Variants in SYCP2 observed in about 807,000 individuals in gnomAD.
The protein encoded by SYCP2 is synaptonemal complex lateral element protein.
A neutral mutation model predicts 211.3 loss-of-function variants in SYCP2; 55 were observed. The observed-to-expected ratio is 0.26, with a 90% CI of 0.21 to 0.33. The LOEUF is 0.33. Among genes scored for constraint, SYCP2 ranks in the 10% least tolerant of loss-of-function variants. SYCP2 has a pLI of 1.00. For missense variants in SYCP2, 1,731 were observed against 1,752.0 expected (o/e 0.99, Z 0.21); for synonymous variants, 570 against 555.2 (o/e 1.03, Z -0.37).
chr20:59,870,699 G>A (rs2059435915), intron 35 of SYCP2, among the ~76,000 whole-genome samples: 1 of 151,712 alleles, frequency 6.6e-6, no homozygotes, highest in Non-Finnish European at 1.5e-5. Context: ...GTGGGGCAGG[G>A]GGTATGTAAC....
intron 26 of SYCP2, chr20:59,885,066 A>C (rs1315067275): frequency 6.6e-6 from 1 of 152,036 alleles, no homozygotes; most frequent in Non-Finnish European, 1.5e-5. Context: ...TTCATTGCAA[A>C]GGGAGAAGAA....
Position 59,883,189 on chromosome 20 carries a change from A to G in SYCP2, c.2530-1024T>C, listed in dbSNP as rs546486855. ...TATGGTGAAACCCTGTCTCTACTGA[A>G]AATACAAAAATTAGCTGAGCATGGT... is the stretch of plus-strand genomic sequence containing the variant. On this transcript the variant is annotated intron_variant, in intron 26 of 44. Transcript: ENST00000357552. 2.0e-5 allele frequency among the ~76,000 whole-genome samples: 3 copies of G among 152,194 alleles called. No individual in the cohort carries two copies. The East Asian group carries it at 5.8e-4, about 29-fold the overall frequency.
chr20:59,924,717 C>T (rs2060602298), intron 2 of SYCP2, among the ~76,000 whole-genome samples: 1 of 151,746 alleles, frequency 6.6e-6, no homozygotes, highest in Admixed American at 6.6e-5. Context: ...GGCTACAAAA[C>T]AGTTGGAAAT....
rs1008375609 is a variant in SYCP2 at position 59,891,922 on chromosome 20, T to C, written c.2364+68A>G. The C allele has an allele frequency of 1.5e-5, 20 of 1,352,128 alleles. No homozygotes were observed. In the Admixed American group the frequency reaches 1.7e-4, roughly 12 times the overall value. The allele number at this position is 1,352,128 out of a possible 1,614,324, so 83.8% of individuals were successfully genotyped here. A position where few individuals can be genotyped will look rare whatever the true frequency, so the allele number is the denominator to read the frequency against. ...AATGTGTAGCAATTAATCAAGTTTC[T>C]TTCTTTCTTATGTTATCAAGTAGGC... On this transcript the variant is annotated intron_variant, in intron 24 of 44. Transcript: ENST00000357552.
intron 2 of SYCP2, among the ~76,000 whole-genome samples, chr20:59,927,729 T>C (rs949357609): frequency 3.0e-4 from 45 of 152,182 alleles, no homozygotes; most frequent in African/African-American, 1.1e-3. Flanking sequence ...CCTCTCTCTA[T>C]TTCTTTAATT....
chr20:59,880,555 CAACA>C, intron 30 of SYCP2, 84 bp from the exon 31 acceptor site: 3 of 761,052 alleles, frequency 3.9e-6, no homozygotes, highest in Non-Finnish European at 5.9e-6. Context: ...ACAACAACAA[CAACA>C]AAAAAAAACA....
At chr20:59,923,670 C>A (rs1478080887) in intron 2 of SYCP2, among the ~76,000 whole-genome samples, 1 of 151,662 alleles carries the variant, frequency 6.6e-6, no homozygotes, top group Non-Finnish European at 1.5e-5. Flanking sequence ...ACACTGTACT[C>A]TAGCCTAGTC....
At chr20:59,913,160 ATTCT>A (rs1049111180) in intron 12 of SYCP2, among the ~76,000 whole-genome samples, 2 of 152,326 alleles carry the variant, frequency 1.3e-5, no homozygotes, top group East Asian at 1.9e-4. Flanking sequence ...AATTCACAGA[ATTCT>A]TTCTTAGATA....
At chr20:59,919,673 A>T in intron 5 of SYCP2, 76 bp from the exon 6 acceptor site, 1 of 858,986 alleles carries the variant, frequency 1.2e-6, no homozygotes, top group Non-Finnish European at 1.8e-6. Context: ...TTGCATAAAC[A>T]GTAAACCTAG....
At chr20:59,911,974 G>A in intron 13 of SYCP2, 129 bp from the exon 14 acceptor site, 1 of 455,572 alleles carries the variant, frequency 2.2e-6, no homozygotes, top group Non-Finnish European at 3.9e-6. Context: ...GAACAGACAA[G>A]TATAATATTT....
chr20:59,870,417 C>T (rs898073920), intron 35 of SYCP2, among the ~76,000 whole-genome samples: 5 of 151,584 alleles, frequency 3.3e-5, no homozygotes, highest in African/African-American at 1.2e-4. Flanking sequence ...TTTTAAAACT[C>T]AGAAAATGTA....
chr20:59,871,154 T>G (rs958992963), intron 35 of SYCP2, among the ~76,000 whole-genome samples: 8 of 151,720 alleles, frequency 5.3e-5, no homozygotes, highest in African/African-American at 1.9e-4. Context: ...TACAAATTTG[T>G]AAGAAAAATC....
rs35098779 is a variant in SYCP2, at chr20:59,907,514, G to A, written c.973-90C>T. 160 of 1,080,498 alleles carry A rather than the reference G, an allele frequency of 1.5e-4. 1 individual carries two copies. The South Asian group carries it at 2.2e-3, about 15-fold the overall frequency. 66.9% of individuals were successfully genotyped at this position (1,080,498 alleles called of 1,614,324 possible). Reference sequence around the variant, plus strand: ...TCAAATTTCAAGTTACAGGAACTATGAATTCTTTTTGCTAGTCACTAAGTA... The same window carrying A: ...TCAAATTTCAAGTTACAGGAACTATAAATTCTTTTTGCTAGTCACTAAGTA... On this transcript the variant is annotated intron_variant, in intron 14 of 44. Coordinates refer to ENST00000357552, the MANE Select transcript of SYCP2 (RefSeq NM_014258.4).
intron 36 of SYCP2, 120 bp from the exon 37 acceptor site, chr20:59,869,045 G>A (rs2059402213): frequency 1.5e-6 from 1 of 649,472 alleles, no homozygotes; most frequent in Admixed American, 3.1e-5. Flanking sequence ...TTCTCAGATT[G>A]TTTCTATCCC....
In SYCP2 at chr20:59,869,993, A is replaced by T. The variant is rs773207326; in HGVS notation, c.3556-10T>A. Reference sequence around the variant, plus strand: ...TTGGAGTATGTCTGGGCTATGAATGAAGACATACAAAAACCCAATAAGAAG... The same window carrying T: ...TTGGAGTATGTCTGGGCTATGAATGTAGACATACAAAAACCCAATAAGAAG... On this transcript the variant is annotated splice_polypyrimidine_tract_variant and intron_variant, in intron 35 of 44. Coordinates refer to ENST00000357552, the MANE Select transcript of SYCP2 (RefSeq NM_014258.4). 17 of 1,540,948 alleles carry T rather than the reference A, an allele frequency of 1.1e-5. No individual in the cohort carries two copies. Among genetic ancestry groups the T allele is most frequent in the Non-Finnish European group, 1.4e-5 (16 of 1,138,566 alleles).
chr20:59,895,053 G>A lies in SYCP2; in HGVS notation c.1665+384C>T, dbSNP rs1027456575. On this transcript the variant is annotated intron_variant, in intron 20 of 44. Coordinates refer to ENST00000357552, the MANE Select transcript of SYCP2 (RefSeq NM_014258.4). ...TATGTGTAAATCTGAGAATGCTTAT[G>A]TAACTTAGTATCTAATTTTCATGCT... 7.2e-5 allele frequency among the ~76,000 whole-genome samples: 11 copies of A among 152,046 alleles called. No homozygotes were observed. In the South Asian group the frequency reaches 8.3e-4, roughly 11 times the overall value.
In SYCP2 at chr20:59,866,550, A is replaced by C; in HGVS notation, c.4165T>G (p.Trp1389Gly). 6.2e-7 allele frequency: 1 copy of C among 1,606,168 alleles called. No homozygotes were observed. Among genetic ancestry groups the C allele is most frequent in the South Asian group, 1.1e-5 (1 of 89,616 alleles). Residue 1389 changes from tryptophan to glycine, a missense_variant, in exon 40 of 45, where the codon TGG becomes GGG. Trp to Gly is a radical substitution (Grantham distance 184, BLOSUM62 -2). Transcript: ENST00000357552. ...CTCAGATGTTGCTGAGCTGTTTTCC[A>C]AGACTGCGTAGTAAAATAACTCAAC... ...KMLSYFTTQSWKTAQQHLRTM... is the reference protein window; with the variant it reads ...KMLSYFTTQSGKTAQQHLRTM...
At chr20:59,867,658 G>A in intron 39 of SYCP2, 53 bp downstream of exon 39, 1 of 1,484,490 alleles carries the variant, frequency 6.7e-7, no homozygotes, top group Non-Finnish European at 9.3e-7. Context: ...AGTAGAAAGT[G>A]TGGCATATTA....
chr20:59,878,170 G>C, intron 31 of SYCP2, 125 bp from the exon 32 acceptor site: 1 of 691,246 alleles, frequency 1.4e-6, no homozygotes, highest in Non-Finnish European at 2.3e-6. Context: ...TAAAGCATGT[G>C]TTAGCATTTA....
Sources: allele counts gnomAD v4.1 joint callset (sites outside exome capture counted in the v4.1 genomes callset), GRCh38; gene constraint gnomAD v4.1.1; transcripts MANE v1.5; gene names NCBI Gene and HGNC (gene_info 2026-07-23, HGNC 2026-07-21).